SUPT3H: variants seen among roughly 807,000 people sequenced by gnomAD.
SUPT3H encodes the protein transcription initiation protein SPT3 homolog.
A neutral mutation model predicts 44.3 loss-of-function variants in SUPT3H; 44 were observed. That is an observed-to-expected ratio of 0.99 (90% confidence interval 0.78 to 1.28). SUPT3H has a LOEUF of 1.28. Ranked by LOEUF, SUPT3H falls within the 50% of genes most tolerant of loss-of-function variation. The pLI is 0.00. For missense variants in SUPT3H, 380 were observed against 387.1 expected (o/e 0.98, Z 0.15); for synonymous variants, 124 against 125.6 (o/e 0.99, Z 0.09).
At chr6:45,222,658 C>A (rs141449570) in intron 2 of SUPT3H, among the ~76,000 whole-genome samples, 1 of 152,212 alleles carries the variant, frequency 6.6e-6, no homozygotes, top group Admixed American at 6.5e-5. Context: ...ATTAAACACA[C>A]AATTACCATA....
At chr6:44,838,011 T>C (rs1471941022) in intron 10 of SUPT3H, among the ~76,000 whole-genome samples, 5 of 152,282 alleles carry the variant, frequency 3.3e-5, no homozygotes, top group East Asian at 3.9e-4. Flanking sequence ...CAGATAGCAA[T>C]AGCTGTTTGC....
At chr6:44,950,636 T>A (rs1348009715) in intron 9 of SUPT3H, among the ~76,000 whole-genome samples, 1 of 152,006 alleles carries the variant, frequency 6.6e-6, no homozygotes, top group African/African-American at 2.4e-5. Flanking sequence ...CTTGAATTAA[T>A]ATTAAACTTG....
intron 3 of SUPT3H, among the ~76,000 whole-genome samples, chr6:45,048,631 T>C (rs970174962): frequency 1.3e-5 from 2 of 152,128 alleles, no homozygotes; most frequent in Non-Finnish European, 2.9e-5. Context: ...ATAGCCAAGA[T>C]GGAATCAACC....
At chr6:44,832,005 AAAG>A (rs1383603180) in intron 10 of SUPT3H, among the ~76,000 whole-genome samples, 1 of 152,178 alleles carries the variant, frequency 6.6e-6, no homozygotes, top group Admixed American at 6.5e-5. Flanking sequence ...TGAAATAAAT[AAAG>A]AAGGAACAAA....
At chr6:45,111,966 CA>C (rs141101236) in intron 2 of SUPT3H, among the ~76,000 whole-genome samples, 3,375 of 152,278 alleles carry the variant, frequency 0.022, 125 homozygotes, top group African/African-American at 0.076. Context: ...TAGGAAAAGT[CA>C]GTAACCATGA....
intron 2 of SUPT3H, among the ~76,000 whole-genome samples, chr6:45,119,094 C>T (rs1190341441): frequency 1.3e-5 from 2 of 152,148 alleles, no homozygotes; most frequent in Non-Finnish European, 2.9e-5. Context: ...GTCTAATCTA[C>T]TGTCATAGAC....
At chr6:45,011,613 TATAC>T (rs1317649990) in intron 5 of SUPT3H, among the ~76,000 whole-genome samples, 6 of 152,200 alleles carry the variant, frequency 3.9e-5, no homozygotes, top group Admixed American at 2.6e-4. Context: ...ACAATTTTTA[TATAC>T]ATAGTGTTTT....
chr6:45,052,225 T>A (rs1382589679), intron 3 of SUPT3H, among the ~76,000 whole-genome samples: 1 of 152,200 alleles, frequency 6.6e-6, no homozygotes, highest in African/African-American at 2.4e-5. Context: ...GATAATTAAC[T>A]GGTGGAAAGA....
intron 10 of SUPT3H, among the ~76,000 whole-genome samples, chr6:44,856,783 G>A (rs1773808367): frequency 6.6e-6 from 1 of 152,108 alleles, no homozygotes; most frequent in Middle Eastern, 3.2e-3. Context: ...GTAGGGCACG[G>A]CAACATGACA....
chr6:45,265,249 A>C (rs1775061054), intron 2 of SUPT3H, among the ~76,000 whole-genome samples: 1 of 152,136 alleles, frequency 6.6e-6, no homozygotes, highest in Non-Finnish European at 1.5e-5. Flanking sequence ...CATAATTGAA[A>C]ATTTTTCTTA....
At chr6:45,239,096 A>G in intron 2 of SUPT3H, among the ~76,000 whole-genome samples, 1 of 152,196 alleles carries the variant, frequency 6.6e-6, no homozygotes, top group East Asian at 1.9e-4. Context: ...GCTGTAATTG[A>G]GGTATTGACT....
intron 3 of SUPT3H, among the ~76,000 whole-genome samples, chr6:45,039,716 GT>G (rs1308409599): frequency 6.6e-6 from 1 of 151,822 alleles, no homozygotes; most frequent in Non-Finnish European, 1.5e-5. Flanking sequence ...GGAGGTGGAG[GT>G]TCCACTGCAG....
chr6:44,943,414 T>C (rs1351475298), intron 9 of SUPT3H, among the ~76,000 whole-genome samples: 2 of 152,074 alleles, frequency 1.3e-5, no homozygotes, highest in South Asian at 2.1e-4. Context: ...ACAATGTACT[T>C]GGAGTTTCAG....
intron 2 of SUPT3H, among the ~76,000 whole-genome samples, chr6:45,208,454 T>C (rs1422760137): frequency 6.6e-6 from 1 of 152,168 alleles, no homozygotes; most frequent in Non-Finnish European, 1.5e-5. Context: ...TGACTGGGCG[T>C]GATGCCCATG....
intron 2 of SUPT3H, among the ~76,000 whole-genome samples, chr6:45,220,990 T>C (rs113178107): frequency 0.02 from 3,105 of 152,256 alleles, 43 homozygotes; most frequent in Non-Finnish European, 0.033. Flanking sequence ...CCATCAATGA[T>C]AGACTGGATT....
At chr6:45,340,101 AAGT>A (rs1789441832) in intron 2 of SUPT3H, among the ~76,000 whole-genome samples, 1 of 152,168 alleles carries the variant, frequency 6.6e-6, no homozygotes, top group South Asian at 2.1e-4. Context: ...GATCTAAATG[AAGT>A]TACTTCCTAG....
chr6:45,108,125 T>C (rs114437791), intron 2 of SUPT3H, among the ~76,000 whole-genome samples: 108 of 152,326 alleles, frequency 7.1e-4, no homozygotes, highest in African/African-American at 2.4e-3. Flanking sequence ...ATGTCCAATT[T>C]TGTCACTTCT....
chr6:45,018,238 G>A (rs1472038995), intron 4 of SUPT3H, among the ~76,000 whole-genome samples: 2 of 152,146 alleles, frequency 1.3e-5, no homozygotes, highest in African/African-American at 4.8e-5. Flanking sequence ...AACTTAAGGA[G>A]ATTTTGGGCT....
intron 2 of SUPT3H, among the ~76,000 whole-genome samples, chr6:45,286,846 T>C (rs1026813009): frequency 6.6e-6 from 1 of 152,164 alleles, no homozygotes; most frequent in East Asian, 1.9e-4. Context: ...CCAAGCCAAA[T>C]GTCCATCAAT....
Sources: gnomAD v4.1 joint callset for allele counts (sites outside exome capture counted in the v4.1 genomes callset) on GRCh38, gnomAD v4.1.1 for gene constraint, MANE v1.5 for transcripts, NCBI Gene and HGNC (gene_info 2026-07-23, HGNC 2026-07-21) for gene names.